The following RFX3 variants were observed in gnomAD, a reference collection of about 807,000 sequenced individuals.
RFX3 encodes the protein regulatory factor X3.
Under a neutral mutation model 98.6 loss-of-function variants are expected in RFX3, and 14 were observed. The ratio of observed to expected loss-of-function variants is 0.14; its 90% CI spans 0.09 to 0.22. The LOEUF is 0.22. Among genes scored for constraint, RFX3 ranks in the 10% least tolerant of loss-of-function variants. The probability of loss-of-function intolerance (pLI) is 1.00; values close to 1 mark genes in which losing one functional copy is unlikely to be tolerated. For synonymous variants in RFX3, 383 were observed against 328.4 expected (o/e 1.17, Z -1.80); for missense variants, 639 against 926.9 (o/e 0.69, Z 4.03).
intron 2 of RFX3, among the ~76,000 whole-genome samples, chr9:3,374,522 T>C (rs1277285864): frequency 6.6e-6 from 1 of 152,220 alleles, no homozygotes; most frequent in Non-Finnish European, 1.5e-5. Flanking sequence ...TATAATGGAA[T>C]ATTATTCAGC....
chr9:3,480,408 T>C (rs1340836196), intron 1 of RFX3, among the ~76,000 whole-genome samples: 1 of 152,212 alleles, frequency 6.6e-6, no homozygotes, highest in Non-Finnish European at 1.5e-5. Flanking sequence ...TCGGGCCTTT[T>C]TGCACCCAGA....
rs187741164 is a variant in RFX3, at chr9:3,508,682, T to C, written c.-9+17065A>G. Among the ~76,000 whole-genome samples the C allele has an allele frequency of 2.0e-3, 306 of 152,132 alleles. 2 individuals carry two copies. The highest frequency in any genetic ancestry group is 6.8e-3 in the African/African-American group (282 of 41,562). On this transcript the variant is annotated intron_variant, in intron 1 of 16. Transcript: ENST00000617270. ...ACAAGAAGGTTTATCTGTGGGGATT[T>C]ACACCTTGTTAAAAGCAAATGACAA... is the stretch of plus-strand genomic sequence containing the variant.
intron 2 of RFX3, among the ~76,000 whole-genome samples, chr9:3,377,513 A>G (rs926143747): frequency 6.6e-6 from 1 of 152,192 alleles, no homozygotes; most frequent in Non-Finnish European, 1.5e-5. Context: ...GGTGCAGCAC[A>G]CCAACATGGG....
intron 7 of RFX3, among the ~76,000 whole-genome samples, chr9:3,282,983 G>C (rs1826107348): frequency 6.6e-6 from 1 of 151,754 alleles, no homozygotes; most frequent in Non-Finnish European, 1.5e-5. Context: ...CTACTCAGGA[G>C]CATAAGTGGT....
intron 1 of RFX3, among the ~76,000 whole-genome samples, chr9:3,402,443 A>G (rs893826021): frequency 3.3e-5 from 5 of 152,280 alleles, no homozygotes; most frequent in African/African-American, 1.2e-4. Flanking sequence ...CAAAATTATT[A>G]TGATAGTTAC....
intron 4 of RFX3, among the ~76,000 whole-genome samples, chr9:3,327,300 G>C (rs118080607): frequency 0.01 from 1,597 of 152,136 alleles, 10 homozygotes; most frequent in South Asian, 0.039. Context: ...TCTTAAATAG[G>C]TTTCACGGCA....
chr9:3,402,777 T>C (rs1190275153), intron 1 of RFX3, among the ~76,000 whole-genome samples: 1 of 151,910 alleles, frequency 6.6e-6, no homozygotes, highest in Non-Finnish European at 1.5e-5. Flanking sequence ...TTAAGATTTC[T>C]ATTAAAATTA....
At chr9:3,263,197 AT>A in intron 12 of RFX3, 113 bp from the exon 13 acceptor site, 2 of 1,083,484 alleles carry the variant, frequency 1.8e-6, no homozygotes, top group Non-Finnish European at 2.7e-6. Flanking sequence ...TCTGACACTT[AT>A]TTAAAATTCA....
chr9:3,514,628 TTG>T (rs895617252), intron 1 of RFX3, among the ~76,000 whole-genome samples: 1 of 152,170 alleles, frequency 6.6e-6, no homozygotes, highest in African/African-American at 2.4e-5. Flanking sequence ...TTTTAATTTT[TTG>T]TAGAAACAGG....
chr9:3,486,345 T>G (rs1850275034), intron 1 of RFX3, among the ~76,000 whole-genome samples: 1 of 152,118 alleles, frequency 6.6e-6, no homozygotes, highest in Non-Finnish European at 1.5e-5. Flanking sequence ...ACGGCTCTCT[T>G]TAACATATTA....
intron 1 of RFX3, among the ~76,000 whole-genome samples, chr9:3,452,559 C>T (rs534904531): frequency 2.0e-5 from 3 of 152,186 alleles, no homozygotes; most frequent in South Asian, 4.1e-4. Context: ...TGCCACTGCA[C>T]TCCAGCCTGG....
chr9:3,431,062 T>C (rs752481522), intron 1 of RFX3, among the ~76,000 whole-genome samples: 2 of 152,164 alleles, frequency 1.3e-5, no homozygotes, highest in Non-Finnish European at 2.9e-5. Context: ...TTAACTATAA[T>C]ACCTACTGTG....
At chr9:3,274,319 C>T (rs1168478707) in intron 9 of RFX3, among the ~76,000 whole-genome samples, 1 of 152,214 alleles carries the variant, frequency 6.6e-6, no homozygotes, top group Non-Finnish European at 1.5e-5. Flanking sequence ...GTCAGGAGGA[C>T]TGCCCAGGAA....
intron 2 of RFX3, among the ~76,000 whole-genome samples, chr9:3,377,037 G>A (rs553555791): frequency 2.0e-4 from 31 of 152,300 alleles, no homozygotes; most frequent in Admixed American, 5.2e-4. Flanking sequence ...ACAGTGTGGC[G>A]ATTCCTCAGG....
At chr9:3,520,966 A>T (rs996120275) in intron 1 of RFX3, among the ~76,000 whole-genome samples, 11 of 152,302 alleles carry the variant, frequency 7.2e-5, no homozygotes, top group Admixed American at 5.9e-4. Flanking sequence ...ATGTGAACCA[A>T]TACAACCAGC....
chr9:3,270,261 C>G (rs1197096109), intron 11 of RFX3, 110 bp downstream of exon 11: 3 of 1,165,392 alleles, frequency 2.6e-6, no homozygotes, highest in African/African-American at 3.1e-5. Flanking sequence ...TTCTATCTGG[C>G]AAATCTAAAT....
At chr9:3,402,391 A>C (rs949561596) in intron 1 of RFX3, among the ~76,000 whole-genome samples, 2 of 152,266 alleles carry the variant, frequency 1.3e-5, no homozygotes, top group Middle Eastern at 3.4e-3. Context: ...GCATAGAAAG[A>C]CAAAAGGTGC....
intron 2 of RFX3, among the ~76,000 whole-genome samples, chr9:3,349,195 T>G (rs1834795844): frequency 1.3e-5 from 2 of 152,054 alleles, no homozygotes; most frequent in South Asian, 2.1e-4. Context: ...GGTACAAATT[T>G]TGGTTACTGG....
At chr9:3,486,058 G>A (rs985116231) in intron 1 of RFX3, among the ~76,000 whole-genome samples, 2 of 146,900 alleles carry the variant, frequency 1.4e-5, no homozygotes, top group African/African-American at 2.6e-5. Context: ...CCAGGAGGCG[G>A]AGGTTGCAGT....
Sources: allele counts gnomAD v4.1 joint callset (sites outside exome capture counted in the v4.1 genomes callset), GRCh38; gene constraint gnomAD v4.1.1; transcripts MANE v1.5; gene names NCBI Gene and HGNC (gene_info 2026-07-23, HGNC 2026-07-21).